The following IMPDH2 variants were observed in gnomAD, a reference collection of about 807,000 sequenced individuals.
IMPDH2 encodes inosine-5'-monophosphate dehydrogenase 2.
Under a neutral mutation model 57.8 loss-of-function variants are expected in IMPDH2, and 33 were observed. The observed-to-expected ratio is 0.57, with a 90% CI of 0.43 to 0.76. IMPDH2 has a LOEUF of 0.76. Among genes scored for constraint, IMPDH2 ranks in the 30% least tolerant of loss-of-function variants. The pLI is 0.00. For synonymous variants in IMPDH2, 270 were observed against 241.3 expected, an observed-to-expected ratio of 1.12 and a Z score of -1.10; for missense variants, 446 against 659.1, an observed-to-expected ratio of 0.68 and a Z score of 3.54.
In IMPDH2 at chr3:49,029,359, CAGGACACCGCCGCGTGTCTCCG is replaced by C. The variant is rs1559918267; in HGVS notation, c.-31_-10del. 1.3e-5 allele frequency: 20 copies of C among 1,569,548 alleles called. No homozygotes were observed. Among genetic ancestry groups the C allele is most frequent in the Admixed American group, 1.8e-5 (1 of 54,332 alleles). On this transcript the variant is annotated 5_prime_UTR_variant, in exon 1 of 14. Coordinates refer to ENST00000326739, the MANE Select transcript of IMPDH2 (RefSeq NM_000884.3). ...ATCAGGTAGTCGGCCATGGCCAACA[CAGGACACCGCCGCGTGTCTCCG>C]AGGACCGCGCCGCAGAGACCTCTGC...
In IMPDH2 at chr3:49,024,530, T is replaced by C; in HGVS notation, c.1488A>G (p.Ser496=). The change falls in exon 13 of 14, where the codon TCA becomes TCG. Residue 496 remains serine (S), a synonymous_variant. Transcript: ENST00000326739. The stretch of plus-strand genomic sequence containing the variant: ...TATGGACGCCACCTTCCACCTGGGC[T>C]GAGGACGTTCTCTTCTCAAACTTAA... ...GELKFEKRTS[S]AQVEGGVHSL... is the part of the protein sequence containing the mutation. The C allele has an allele frequency of 6.2e-7, 1 of 1,614,192 alleles. No homozygotes were observed. The highest frequency in any genetic ancestry group is 8.5e-7 in the Non-Finnish European group (1 of 1,180,036).
chr3:49,027,109 C>CT, intron 5 of IMPDH2, 62 bp from the exon 6 acceptor site: 1 of 1,288,610 alleles, frequency 7.8e-7, no homozygotes, highest in Non-Finnish European at 1.1e-6. Context: ...TAACTCTTTT[C>CT]TTTCCTTCCC....
Position 49,026,879 on chromosome 3 carries a change from C to T in IMPDH2, c.627G>A (p.Leu209=). 6.2e-7 allele frequency: 1 copy of T among 1,614,212 alleles called. No homozygotes were observed. The part of the protein sequence containing the change: ...EILQRSKKGK[L]PIVNEDDELV... ...GCTCATCATCTTCATTTACAATGGG[C>T]AACTTTCCTGTGGTCAGGGCAGGAC... The change falls in exon 7 of 14, where the codon TTG becomes TTA. Residue 209 remains leucine (L), a synonymous_variant. Transcript: ENST00000326739.
At chr3:49,027,094 C>T in intron 5 of IMPDH2, 47 bp from the exon 6 acceptor site, 1 of 1,377,380 alleles carries the variant, frequency 7.3e-7, no homozygotes, top group Non-Finnish European at 1.0e-6. Flanking sequence ...TCGACTATGA[C>T]CAGTTAACTC....
At chr3:49,025,335 A>G (rs769639124) in intron 9 of IMPDH2, 66 bp from the exon 10 acceptor site, 2 of 1,579,826 alleles carry the variant, frequency 1.3e-6, no homozygotes, top group East Asian at 2.2e-5. Flanking sequence ...CCCTGTGGCC[A>G]TATTTAGGAC....
chr3:49,028,798 A>G lies in IMPDH2; in HGVS notation c.107T>C (p.Leu36Pro). 1 of 1,613,726 alleles carries G rather than the reference A, an allele frequency of 6.2e-7. No homozygotes were observed. Among genetic ancestry groups the G allele is most frequent in the Non-Finnish European group, 8.5e-7 (1 of 1,179,628 alleles). Residue 36 changes from leucine to proline, a missense_variant, in exon 2 of 14, where the codon CTC becomes CCC. Physicochemically the swap from Leu to Pro is moderately conservative, Grantham distance 98. Coordinates refer to ENST00000326739, the MANE Select transcript of IMPDH2 (RefSeq NM_000884.3). ...CGDGLTYNDFLILPGYIDFTA... is the reference protein window; with the variant it reads ...CGDGLTYNDFPILPGYIDFTA... The stretch of plus-strand genomic sequence containing the variant: ...GAAGTCGATGTACCCAGGGAGAATG[A>G]GAAAGTCACTGCGAGGGAAGGGAGT...
rs182238894 is a variant in IMPDH2, at chr3:49,025,969, G to A, written c.1006+355C>T. On this transcript the variant is annotated intron_variant, in intron 9 of 13. Transcript: ENST00000326739. ...CAGCCGGGCAGTGGGCAGCTGGGCC[G>A]GGCCAGTGGGCCGGGCTGGACTTAC... is the stretch of plus-strand genomic sequence containing the variant. 42 of 468,604 alleles carry A rather than the reference G, an allele frequency of 9.0e-5. No homozygotes were observed. The East Asian group carries it at 1.9e-3, about 21-fold the overall frequency. The allele number at this position is 468,604 out of a possible 1,614,324, so 29.0% of individuals were successfully genotyped here.
Position 49,027,796 on chromosome 3 carries a change from G to A in IMPDH2, c.445C>T (p.Arg149Trp), listed in dbSNP as rs764692244. The change falls in exon 5 of 14, where the codon CGG becomes TGG. Residue 149 changes from arginine to tryptophan, a missense_variant. Coordinates refer to ENST00000326739, the MANE Select transcript of IMPDH2 (RefSeq NM_000884.3). The stretch of plus-strand genomic sequence containing the variant: ...ATGCCCACCAAGCGGCTCCCCATCC[G>A]GCCTGTGTCTGTGATTGGGATACCG... ...FCGIPITDTG[R>W]MGSRLVGIIS... is the part of the protein sequence containing the mutation. The A allele has an allele frequency of 8.1e-6, 13 of 1,614,004 alleles. No individual in the cohort carries two copies. The highest frequency in any genetic ancestry group is 1.3e-5 in the African/African-American group (1 of 74,900).
At position 49,029,351 on chromosome 3, in the gene IMPDH2, G is replaced by A. The variant is rs1473066720; in HGVS notation, c.-1C>T. ...CCCCACTAATCAGGTAGTCGGCCAT[G>A]GCCAACACAGGACACCGCCGCGTGT... On this transcript the variant is annotated 5_prime_UTR_variant, in exon 1 of 14. Transcript: ENST00000326739. 18 of 1,583,932 alleles carry A rather than the reference G, an allele frequency of 1.1e-5. No homozygotes were observed. In the South Asian group the frequency reaches 1.4e-4, roughly 12 times the overall value.
chr3:49,029,095 G>C (rs1190142460), intron 1 of IMPDH2, 158 bp downstream of exon 1: 7 of 687,080 alleles, frequency 1.0e-5, no homozygotes, highest in Non-Finnish European at 1.6e-5. Context: ...CCCAAGCACC[G>C]CTCCAGATGT....
At chr3:49,025,068 G>C (rs954884934) in intron 10 of IMPDH2, 28 bp from the exon 11 acceptor site, 4 of 1,614,084 alleles carry the variant, frequency 2.5e-6, no homozygotes, top group Non-Finnish European at 2.5e-6. Context: ...GCTTGGGTTA[G>C]AGCCTAAGCA....
In IMPDH2 at chr3:49,028,232, T is replaced by G. The variant is rs773196840; in HGVS notation, c.324+16A>C. ...AATTCCCAGGAGCGCTTGCTAATGA[T>G]CGTTGCCCTTCTGACCTTCACTTTC... On this transcript the variant is annotated intron_variant, in intron 4 of 13. Coordinates refer to ENST00000326739, the MANE Select transcript of IMPDH2 (RefSeq NM_000884.3). 6 of 1,608,828 alleles carry G rather than the reference T, an allele frequency of 3.7e-6. No homozygotes were observed. In the East Asian group the frequency reaches 8.9e-5, roughly 24 times the overall value.
chr3:49,027,000 T>C lies in IMPDH2; in HGVS notation c.579A>G (p.Thr193=). The change falls in exon 6 of 14, where the codon ACA becomes ACG. Residue 193 remains threonine (T), a synonymous_variant. Transcript: ENST00000326739. ...GCAGAATTTCATTTGCCTCCTTCAG[T>C]GTGATGCCTGCAGGGGCTACCACCA... The part of the protein sequence containing the change: ...EDLVVAPAGI[T]LKEANEILQR... 1.2e-6 allele frequency: 2 copies of C among 1,614,128 alleles called. No individual in the cohort carries two copies. The highest frequency in any genetic ancestry group is 1.1e-5 in the South Asian group (1 of 91,086).
intron 5 of IMPDH2, 90 bp downstream of exon 5, chr3:49,027,620 G>A (rs2093204833): frequency 2.8e-6 from 3 of 1,071,858 alleles, no homozygotes; most frequent in Admixed American, 3.7e-5. Flanking sequence ...CCAGAGAGAA[G>A]AGGCTATCAG....
intron 2 of IMPDH2, 68 bp downstream of exon 2, chr3:49,028,690 A>G: frequency 1.4e-6 from 2 of 1,446,952 alleles, no homozygotes; most frequent in Middle Eastern, 1.7e-4. Context: ...GAGTTAGCCC[A>G]GAGACCAGGT....
chr3:49,025,171 T>C lies in IMPDH2; in HGVS notation c.1105A>G (p.Asn369Asp), dbSNP rs2093192798. ...VPVIADGGIQ[N>D]VGHIAKALAL... is the part of the protein sequence containing the mutation. ...AAGGCTTTCGCAATATGACCCACAT[T>C]TTGGATTCCTCCATCAGCAATGACC... is the stretch of plus-strand genomic sequence containing the variant. Residue 369 changes from asparagine to aspartate, a missense_variant, in exon 10 of 14, where the codon AAT (asparagine) becomes GAT (aspartate). Transcript: ENST00000326739. The C allele has an allele frequency of 6.2e-7, 1 of 1,614,196 alleles. No homozygotes were observed. The highest frequency in any genetic ancestry group is 1.7e-5 in the Admixed American group (1 of 60,020).
chr3:49,026,234 G>A (rs900554838), intron 9 of IMPDH2, 90 bp downstream of exon 9: 16 of 980,960 alleles, frequency 1.6e-5, no homozygotes, highest in Admixed American at 1.0e-4. Flanking sequence ...CTATTGGAGG[G>A]CTCTATTGTC....
intron 9 of IMPDH2, 22 bp downstream of exon 9, chr3:49,026,278 GCCTGAAACTGGGGTCTCTGTGGGC>G (rs1304559706): frequency 7.5e-7 from 1 of 1,340,470 alleles, no homozygotes; most frequent in Non-Finnish European, 1.1e-6. Context: ...GGTATGTGGG[GCCTGAAACTGGGGTCTCTGTGGGC>G]CCTATCAAAG....
At position 49,026,436 on chromosome 3, in the gene IMPDH2, GA is replaced by G; in HGVS notation, c.911-18del. ...CAGTGACCACTATGGTGAAGGAAAG[GA>G]AAATGCTCATGTGAAGGTTAAGGTG... is the stretch of plus-strand genomic sequence containing the variant. On this transcript the variant is annotated intron_variant, in intron 8 of 13. Coordinates refer to ENST00000326739, the MANE Select transcript of IMPDH2 (RefSeq NM_000884.3). The G allele has an allele frequency of 6.2e-7, 1 of 1,611,450 alleles. No homozygotes were observed. The highest frequency in any genetic ancestry group is 8.5e-7 in the Non-Finnish European group (1 of 1,177,778).
Sources: allele counts gnomAD v4.1 joint callset, GRCh38; gene constraint gnomAD v4.1.1; transcripts MANE v1.5; gene names NCBI Gene and HGNC (gene_info 2026-07-23, HGNC 2026-07-21).